FANCB: variants seen among roughly 807,000 people sequenced by gnomAD.
The protein encoded by FANCB is FA complementation group B.
In FANCB, 5 loss-of-function variants were observed where a neutral mutation model predicts 38.9. The observed-to-expected ratio is 0.13, with a 90% CI of 0.07 to 0.27. The LOEUF (loss-of-function observed/expected upper bound fraction) is 0.27. Among genes scored for constraint, FANCB ranks in the 10% least tolerant of loss-of-function variants. The pLI is 1.00. For synonymous variants in FANCB, 236 were observed against 215.4 expected (o/e 1.10, Z -0.84); for missense variants, 573 against 602.7 (o/e 0.95, Z 0.52).
At position 14,865,594 on chromosome X, in the gene FANCB, G is replaced by T; in HGVS notation, c.-70-14C>A. 1 of 757,100 alleles carries T rather than the reference G, an allele frequency of 1.3e-6. No homozygotes were observed. Among genetic ancestry groups the T allele is most frequent in the Non-Finnish European group, 2.0e-6 (1 of 503,836 alleles). 62.4% of individuals were successfully genotyped at this position (757,100 alleles called of 1,213,427 possible). A position where few individuals can be genotyped will look rare whatever the true frequency, so the allele number is the denominator to read the frequency against. ...ATGTTTCTAAACCTAAAAAAGAAAT[G>T]AGGAAAAACTGCCATGAAGTAGGAA... On this transcript the variant is annotated splice_polypyrimidine_tract_variant and intron_variant, in intron 2 of 9. Transcript: ENST00000650831.
At chrX:14,766,155 AT>A in the FANCB span, among the ~76,000 whole-genome samples, 1 of 112,193 alleles carries the variant, frequency 8.9e-6, no homozygotes, top group African/African-American at 3.2e-5. Flanking sequence ...TAAGAGAGGT[AT>A]AAACACACTA....
chrX:14,835,174 C>A, downstream of FANCB: 1 of 529,313 alleles, frequency 1.9e-6, no homozygotes. Flanking sequence ...TGCACCAGTC[C>A]CTAAACAGAC....
chrX:14,806,842 A>G, the FANCB span, among the ~76,000 whole-genome samples: 379 of 112,432 alleles, frequency 3.4e-3, 2 homozygotes, highest in African/African-American at 0.011. Flanking sequence ...AAGTATTGGT[A>G]AAATCATGTC....
chrX:14,758,044 T>C, the FANCB span, among the ~76,000 whole-genome samples: 1 of 111,638 alleles, frequency 9.0e-6, no homozygotes, highest in East Asian at 2.8e-4. Context: ...ACCAGCCTTT[T>C]GGGCTGCTTG....
chrX:14,695,190 C>T, the FANCB span, among the ~76,000 whole-genome samples: 1,355 of 111,144 alleles, frequency 0.012, 9 homozygotes, highest in Non-Finnish European at 0.017. Context: ...TGGAGCATTC[C>T]ATCATTTAGA....
the FANCB span, among the ~76,000 whole-genome samples, chrX:14,830,936 CTT>C: frequency 8.9e-6 from 1 of 112,267 alleles, no homozygotes; most frequent in Admixed American, 9.5e-5. Context: ...TCACTATATT[CTT>C]TGTTTTATGA....
At chrX:14,741,039 T>C in the FANCB span, among the ~76,000 whole-genome samples, 7,243 of 111,163 alleles carry the variant, frequency 0.065, 303 homozygotes, top group African/African-American at 0.14. Flanking sequence ...TGGTTCATTA[T>C]TGTATTCTCA....
chrX:14,797,694 AGAG>A, the FANCB span, among the ~76,000 whole-genome samples: 11 of 103,951 alleles, frequency 1.1e-4, no homozygotes, highest in African/African-American at 3.7e-4. Flanking sequence ...AAAAAAAAAG[AGAG>A]AGAGAGAGAG....
chrX:14,691,316 TGTGTGTGTGC>T, the FANCB span, among the ~76,000 whole-genome samples: 204 of 72,097 alleles, frequency 2.8e-3, 2 homozygotes, highest in Middle Eastern at 0.015. Context: ...TGTGTGTGTG[TGTGTGTGTGC>T]GCGCGTGCGT....
At chrX:14,730,516 C>T in the FANCB span, 1 of 1,079,193 alleles carries the variant, frequency 9.3e-7, no homozygotes, top group Non-Finnish European at 1.3e-6. Context: ...GACCTTCTTG[C>T]CTCAGTGTTG....
chrX:14,779,326 G>A, the FANCB span, among the ~76,000 whole-genome samples: 1 of 112,300 alleles, frequency 8.9e-6, no homozygotes, highest in African/African-American at 3.2e-5. Flanking sequence ...AGGTTGGAGT[G>A]CTTCTCAGAG....
chrX:14,872,635 G>GCCCCCCCC (rs199639756), intron 1 of FANCB, among the ~76,000 whole-genome samples: 1 of 72,596 alleles, frequency 1.4e-5, no homozygotes, highest in Admixed American at 1.7e-4. Context: ...TGGTAAAACC[G>GCCCCCCCC]CCCCCCCCAC....
At chrX:14,809,547 G>A in the FANCB span, among the ~76,000 whole-genome samples, 2 of 112,271 alleles carry the variant, frequency 1.8e-5, no homozygotes, top group Admixed American at 9.3e-5. Context: ...CTGTCTCGGA[G>A]GGTCCTACGC....
the FANCB span, chrX:14,690,689 G>A: frequency 1.9e-6 from 2 of 1,033,453 alleles, no homozygotes; most frequent in Admixed American, 2.2e-5. Context: ...GTGTGTGTGT[G>A]TGTCTCTCTC....
At chrX:14,803,991 C>T in the FANCB span, among the ~76,000 whole-genome samples, 2 of 111,488 alleles carry the variant, frequency 1.8e-5, no homozygotes, top group South Asian at 3.8e-4. Flanking sequence ...ACAATAGGTG[C>T]TGGAGAGGAT....
At chrX:14,853,194 C>T (rs1471582857) in intron 5 of FANCB, 27 bp from the exon 6 acceptor site, 1 of 1,181,764 alleles carries the variant, frequency 8.5e-7, no homozygotes, top group African/African-American at 1.8e-5. Flanking sequence ...AAAATAGTGG[C>T]AAGAAACATG....
chrX:14,770,727 G>T, the FANCB span, among the ~76,000 whole-genome samples: 36 of 112,196 alleles, frequency 3.2e-4, no homozygotes, highest in Non-Finnish European at 7.5e-5. Context: ...GATTCATAGT[G>T]TCACTGGTCT....
the FANCB span, among the ~76,000 whole-genome samples, chrX:14,736,806 C>A: frequency 8.4e-4 from 94 of 111,451 alleles, no homozygotes; most frequent in African/African-American, 3.0e-3. Flanking sequence ...AGTATCTCCA[C>A]GAAGAAAGAA....
At chrX:14,784,046 C>T in the FANCB span, among the ~76,000 whole-genome samples, 434 of 111,632 alleles carry the variant, frequency 3.9e-3, 1 homozygote, top group Non-Finnish European at 7.0e-3. Flanking sequence ...CCCATCTCTA[C>T]TAAAAATACA....
Sources: allele counts gnomAD v4.1 joint callset (sites outside exome capture counted in the v4.1 genomes callset), GRCh38; gene constraint gnomAD v4.1.1; transcripts MANE v1.5; gene names NCBI Gene and HGNC (gene_info 2026-07-23, HGNC 2026-07-21).